TMEM117: variants seen among roughly 807,000 people sequenced by gnomAD.
TMEM117 encodes the protein transmembrane protein 117.
In TMEM117, 27 loss-of-function variants were observed where a neutral mutation model predicts 52.4. The observed-to-expected ratio is 0.51, with a 90% CI of 0.38 to 0.71. The LOEUF (loss-of-function observed/expected upper bound fraction) is 0.71, where lower values mean the gene tolerates loss of function less well. Ranked by LOEUF, TMEM117 falls within the 30% of genes least tolerant of loss-of-function variation. TMEM117 has a pLI of 0.00. For synonymous variants in TMEM117, 215 were observed against 206.3 expected (o/e 1.04, Z -0.36); for missense variants, 556 against 630.5 (o/e 0.88, Z 1.26).
At chr12:43,927,744 A>G (rs1373853330) in intron 2 of TMEM117, among the ~76,000 whole-genome samples, 1 of 151,882 alleles carries the variant, frequency 6.6e-6, no homozygotes, top group African/African-American at 2.4e-5. Context: ...TCTTTTTGTT[A>G]GTTTTATCTG....
intron 5 of TMEM117, among the ~76,000 whole-genome samples, chr12:44,271,153 G>C (rs769516994): frequency 6.6e-6 from 1 of 151,848 alleles, no homozygotes; most frequent in Non-Finnish European, 1.5e-5. Context: ...TCCTTTCCTG[G>C]TTTTGGTATT....
At chr12:43,814,736 A>ACC in the TMEM117 span, among the ~76,000 whole-genome samples, 1 of 139,502 alleles carries the variant, frequency 7.2e-6, no homozygotes, top group African/African-American at 2.7e-5. Flanking sequence ...CTGGGTTTGA[A>ACC]TCTTTTTTTT....
intron 3 of TMEM117, among the ~76,000 whole-genome samples, chr12:44,077,959 C>T (rs183160431): frequency 6.6e-6 from 1 of 152,078 alleles, no homozygotes; most frequent in African/African-American, 2.4e-5. Context: ...TTTACAAACT[C>T]AAAAGAAGGA....
chr12:43,866,928 T>C (rs1334720283), intron 2 of TMEM117, among the ~76,000 whole-genome samples: 1 of 152,138 alleles, frequency 6.6e-6, no homozygotes, highest in East Asian at 1.9e-4. Context: ...CCGTCTCTAC[T>C]AAAAATACAA....
chr12:44,013,434 G>A (rs1020109750), intron 3 of TMEM117, among the ~76,000 whole-genome samples: 10 of 152,194 alleles, frequency 6.6e-5, no homozygotes, highest in Non-Finnish European at 1.0e-4. Context: ...GTGGTCTGGA[G>A]TTAGGTATTT....
chr12:44,338,197 G>A (rs1342491642), intron 6 of TMEM117, among the ~76,000 whole-genome samples: 1 of 152,046 alleles, frequency 6.6e-6, no homozygotes, highest in East Asian at 1.9e-4. Context: ...GATAATGTGG[G>A]TAAAGATGAA....
chr12:44,241,478 A>G (rs893648204), intron 5 of TMEM117, among the ~76,000 whole-genome samples: 1 of 151,902 alleles, frequency 6.6e-6, no homozygotes, highest in Non-Finnish European at 1.5e-5. Flanking sequence ...GTGATAGTGG[A>G]CAATTTTTTG....
At chr12:44,356,943 C>T (rs1951657364) in intron 6 of TMEM117, among the ~76,000 whole-genome samples, 1 of 152,132 alleles carries the variant, frequency 6.6e-6, no homozygotes, top group Non-Finnish European at 1.5e-5. Context: ...TCCCTGTTAG[C>T]TTCATTGCAT....
intron 6 of TMEM117, among the ~76,000 whole-genome samples, chr12:44,372,552 T>C (rs1457497272): frequency 1.3e-5 from 2 of 151,326 alleles, no homozygotes; most frequent in Non-Finnish European, 3.0e-5. Flanking sequence ...GTTGGTCTTC[T>C]TGTTTACATC....
At chr12:44,242,050 A>G (rs1399970432) in intron 5 of TMEM117, among the ~76,000 whole-genome samples, 1 of 151,708 alleles carries the variant, frequency 6.6e-6, no homozygotes, top group Non-Finnish European at 1.5e-5. Flanking sequence ...CTCTGCATGG[A>G]GTTCAGAAAT....
intron 3 of TMEM117, among the ~76,000 whole-genome samples, chr12:43,996,438 T>G (rs558877138): frequency 2.2e-4 from 33 of 152,114 alleles, no homozygotes; most frequent in Admixed American, 1.7e-3. Flanking sequence ...GGTCAGGAGA[T>G]CAAGACCACC....
the TMEM117 span, among the ~76,000 whole-genome samples, chr12:44,395,306 C>T: frequency 0.064 from 9,766 of 152,198 alleles, 503 homozygotes; most frequent in African/African-American, 0.13. Context: ...ATTTTATTTA[C>T]TTCTGTCTCC....
chr12:44,222,924 T>TGGTG (rs1387489829), intron 5 of TMEM117, among the ~76,000 whole-genome samples: 2 of 152,208 alleles, frequency 1.3e-5, no homozygotes, highest in African/African-American at 4.8e-5. Flanking sequence ...TCACATGTTT[T>TGGTG]GGTGGTTATA....
intron 2 of TMEM117, among the ~76,000 whole-genome samples, chr12:43,883,623 T>G (rs530551925): frequency 6.6e-6 from 1 of 152,338 alleles, no homozygotes; most frequent in South Asian, 2.1e-4. Context: ...TTCCTTTTAA[T>G]GTAGAGACCC....
chr12:44,009,898 G>T, intron 3 of TMEM117: 1 of 272,730 alleles, frequency 3.7e-6, no homozygotes, highest in South Asian at 4.9e-5. Flanking sequence ...TCTTTTGGGT[G>T]GATCTCTGGC....
intron 3 of TMEM117, among the ~76,000 whole-genome samples, chr12:44,077,422 G>C (rs1454650050): frequency 3.9e-5 from 6 of 152,070 alleles, no homozygotes; most frequent in African/African-American, 1.2e-4. Context: ...TGTTACTTTG[G>C]TCTGATCTAA....
chr12:44,107,667 G>A (rs932027143), intron 3 of TMEM117, among the ~76,000 whole-genome samples: 2 of 151,988 alleles, frequency 1.3e-5, no homozygotes, highest in African/African-American at 2.4e-5. Flanking sequence ...TATTTCAATG[G>A]TATTTAATCA....
intron 6 of TMEM117, among the ~76,000 whole-genome samples, chr12:44,320,431 T>C (rs549477857): frequency 6.6e-6 from 1 of 152,326 alleles, no homozygotes; most frequent in Non-Finnish European, 1.5e-5. Flanking sequence ...ATTCTTTAAA[T>C]AATAATTCAT....
At chr12:44,028,337 C>T (rs1592453963) in intron 3 of TMEM117, among the ~76,000 whole-genome samples, 2 of 152,294 alleles carry the variant, frequency 1.3e-5, no homozygotes, top group East Asian at 3.9e-4. Flanking sequence ...GTTATTTTGT[C>T]AGAGGCATGT....
Sources: gnomAD v4.1 joint callset for allele counts (sites outside exome capture counted in the v4.1 genomes callset) on GRCh38, gnomAD v4.1.1 for gene constraint, MANE v1.5 for transcripts, NCBI Gene and HGNC (gene_info 2026-07-23, HGNC 2026-07-21) for gene names.